COL26A1: variants seen among roughly 807,000 people sequenced by gnomAD.
COL26A1 encodes collagen type XXVI alpha 1 chain, also known as collagen alpha-1(XXVI) chain.
A neutral mutation model predicts 59.3 loss-of-function variants in COL26A1; 41 were observed. The observed-to-expected ratio is 0.69, with a 90% CI of 0.54 to 0.90. COL26A1 has a LOEUF of 0.90. Ranked by LOEUF, COL26A1 falls within the 40% of genes least tolerant of loss-of-function variation. The pLI is 0.00. For missense variants in COL26A1, 612 were observed against 602.3 expected (o/e 1.02, Z -0.17); for synonymous variants, 266 against 256.0 (o/e 1.04, Z -0.37).
At chr7:101,409,807 C>T (rs1292724069) in intron 1 of COL26A1, among the ~76,000 whole-genome samples, 3 of 152,042 alleles carry the variant, frequency 2.0e-5, no homozygotes, top group Non-Finnish European at 2.9e-5. Flanking sequence ...GTTGCCCAGG[C>T]GGGAGTGCAG....
chr7:101,378,544 TACAG>T (rs1407385524), intron 1 of COL26A1, among the ~76,000 whole-genome samples: 1 of 151,954 alleles, frequency 6.6e-6, no homozygotes, highest in East Asian at 1.9e-4. Context: ...TTTTTTTTTG[TACAG>T]ACAGTGTTTC....
intron 1 of COL26A1, among the ~76,000 whole-genome samples, chr7:101,374,920 G>T (rs577911205): frequency 6.6e-6 from 1 of 152,022 alleles, no homozygotes; most frequent in African/African-American, 2.4e-5. Flanking sequence ...AATTAGCCAG[G>T]TGTGTTGGCG....
chr7:101,499,884 A>AC (rs1794664775), intron 3 of COL26A1, among the ~76,000 whole-genome samples: 1 of 110,676 alleles, frequency 9.0e-6, no homozygotes. Context: ...TGCCTTAAAA[A>AC]AAAAAAAAAA....
At position 101,507,974 on chromosome 7, in the gene COL26A1, T is replaced by C. The variant is rs563376781; in HGVS notation, c.386-25108T>C. ...TGCTGGAAAACTGCCGTAATATATA[T>C]AAAATTATGAGGACCATGATATGAT... On this transcript the variant is annotated intron_variant, in intron 3 of 12. Transcript: ENST00000313669. Among the ~76,000 whole-genome samples, 16 of 152,152 alleles carry C rather than the reference T, an allele frequency of 1.1e-4. No individual in the cohort carries two copies. The South Asian group carries it at 3.3e-3, about 32-fold the overall frequency.
At chr7:101,388,222 C>T (rs975213321) in intron 1 of COL26A1, among the ~76,000 whole-genome samples, 1 of 151,794 alleles carries the variant, frequency 6.6e-6, no homozygotes, top group African/African-American at 2.4e-5. Context: ...CCTGTAATCC[C>T]AGTACTTTGG....
At chr7:101,445,726 C>T (rs1304819973) in intron 2 of COL26A1, among the ~76,000 whole-genome samples, 3 of 72,730 alleles carry the variant, frequency 4.1e-5, no homozygotes, top group Non-Finnish European at 8.3e-5. Flanking sequence ...AGCGAGACTC[C>T]GTCTCAAAAA....
chr7:101,516,435 C>G (rs59068164), intron 3 of COL26A1, among the ~76,000 whole-genome samples: 6,422 of 151,958 alleles, frequency 0.042, 472 homozygotes, highest in African/African-American at 0.15. Context: ...CCATGCATGG[C>G]TAGTTTTAAT....
chr7:101,374,842 G>T (rs1486906450), intron 1 of COL26A1, among the ~76,000 whole-genome samples: 1 of 152,104 alleles, frequency 6.6e-6, no homozygotes, highest in Non-Finnish European at 1.5e-5. Context: ...GATCATCTGA[G>T]GTCATGATGG....
Position 101,432,554 on chromosome 7 carries a change from G to T in COL26A1, c.281+12455G>T, listed in dbSNP as rs374338084. Among the ~76,000 whole-genome samples the T allele has an allele frequency of 3.0e-4, 45 of 152,286 alleles. No individual in the cohort carries two copies. The East Asian group carries it at 7.7e-3, about 26-fold the overall frequency. On this transcript the variant is annotated intron_variant, in intron 2 of 12. Coordinates refer to ENST00000313669, the MANE Select transcript of COL26A1 (RefSeq NM_001278563.3). ...GCATGAGAGGTGGGAGCCGGCAGCTGTGCTTTGGCTGAGTTGAGTTGCCTG... is the reference window on the plus strand; with the variant it reads ...GCATGAGAGGTGGGAGCCGGCAGCTTTGCTTTGGCTGAGTTGAGTTGCCTG...
chr7:101,407,708 C>T (rs1018135294), intron 1 of COL26A1, among the ~76,000 whole-genome samples: 1 of 151,822 alleles, frequency 6.6e-6, no homozygotes, highest in Non-Finnish European at 1.5e-5. Context: ...GGTGAAAGCA[C>T]CTCTCCATAA....
intron 1 of COL26A1, among the ~76,000 whole-genome samples, chr7:101,385,212 A>G (rs10263134): frequency 0.18 from 9,071 of 51,144 alleles, 639 homozygotes; most frequent in African/African-American, 0.41. Flanking sequence ...GACACTATAT[A>G]TACACACACA....
At chr7:101,408,322 G>A (rs1792174359) in intron 1 of COL26A1, among the ~76,000 whole-genome samples, 1 of 152,224 alleles carries the variant, frequency 6.6e-6, no homozygotes, top group African/African-American at 2.4e-5. Context: ...CTGCAGCTGG[G>A]ATGCTCTTTC....
At chr7:101,529,535 A>C (rs1371760780) in intron 3 of COL26A1, among the ~76,000 whole-genome samples, 4 of 152,304 alleles carry the variant, frequency 2.6e-5, no homozygotes, top group African/African-American at 9.6e-5. Flanking sequence ...CTGAGATTAC[A>C]GGCGTGAGCC....
chr7:101,387,769 TATATA>T lies in COL26A1; in HGVS notation c.158+24580_158+24584del, dbSNP rs1286413799. Among the ~76,000 whole-genome samples, 248 of 49,108 alleles carry T rather than the reference TATATA, an allele frequency of 5.1e-3. 4 individuals carry two copies. Among genetic ancestry groups the T allele is most frequent in the African/African-American group, 0.012 (226 of 18,442 alleles). The allele number at this position is 49,108 out of a possible 152,430, so 32.2% of individuals were successfully genotyped here. ...ATATATATATTTATATATATATATA[TATATA>T]TATATTTTTTTTTAAGACAGAGTCT... On this transcript the variant is annotated intron_variant, in intron 1 of 12. Coordinates refer to ENST00000313669, the MANE Select transcript of COL26A1 (RefSeq NM_001278563.3).
At chr7:101,388,487 CAAAA>C (rs956151262) in intron 1 of COL26A1, among the ~76,000 whole-genome samples, 1 of 151,426 alleles carries the variant, frequency 6.6e-6, no homozygotes, top group African/African-American at 2.4e-5. Context: ...AACAGACAAA[CAAAA>C]AGCCCCGAAA....
intron 3 of COL26A1, among the ~76,000 whole-genome samples, chr7:101,480,373 C>T (rs1281948627): frequency 6.6e-6 from 1 of 152,060 alleles, no homozygotes; most frequent in Non-Finnish European, 1.5e-5. Context: ...ATTTTCAACT[C>T]CTTCTTTTAG....
chr7:101,425,194 G>C lies in COL26A1; in HGVS notation c.281+5095G>C, dbSNP rs1308430484. On this transcript the variant is annotated intron_variant, in intron 2 of 12. Transcript: ENST00000313669. ...GAGGTCAGCAGTTCGAGACCAGCCT[G>C]CCCAACATGGTGAAACCCTGTCTCT... Among the ~76,000 whole-genome samples the C allele has an allele frequency of 3.4e-5, 5 of 148,354 alleles. No individual in the cohort carries two copies. In the East Asian group the frequency reaches 9.7e-4, roughly 29 times the overall value.
At chr7:101,417,712 A>C (rs923120414) in intron 1 of COL26A1, among the ~76,000 whole-genome samples, 39 of 122,140 alleles carry the variant, frequency 3.2e-4, no homozygotes, top group African/African-American at 1.3e-3. Flanking sequence ...ATCTATAGAT[A>C]TCTATATCTA....
chr7:101,535,542 C>A (rs1364212753), intron 4 of COL26A1, among the ~76,000 whole-genome samples: 1 of 152,194 alleles, frequency 6.6e-6, no homozygotes, highest in African/African-American at 2.4e-5. Flanking sequence ...GGCCCTGACA[C>A]CCTCTCCACC....
Sources: gnomAD v4.1 joint callset for allele counts (sites outside exome capture counted in the v4.1 genomes callset) on GRCh38, gnomAD v4.1.1 for gene constraint, MANE v1.5 for transcripts, NCBI Gene and HGNC (gene_info 2026-07-23, HGNC 2026-07-21) for gene names.